Variants in OPRM1 observed in about 807,000 individuals in gnomAD.
OPRM1 encodes opioid receptor mu 1, also known as mu-type opioid receptor.
In OPRM1, 27 loss-of-function variants were observed where a neutral mutation model predicts 31.8. The ratio of observed to expected loss-of-function variants is 0.85; its 90% CI spans 0.63 to 1.17. The LOEUF (loss-of-function observed/expected upper bound fraction) is 1.17, where lower values mean the gene tolerates loss of function less well. OPRM1 is among the 50% of genes most tolerant of loss of function. The pLI is 0.00. For synonymous variants in OPRM1, 196 were observed against 189.9 expected, an observed-to-expected ratio of 1.03 and a Z score of -0.26; for missense variants, 536 against 511.1, an observed-to-expected ratio of 1.05 and a Z score of -0.47.
chr6:154,178,800 T>C (rs1277586251), intron 3 of OPRM1, among the ~76,000 whole-genome samples: 1 of 152,176 alleles, frequency 6.6e-6, no homozygotes, highest in South Asian at 2.1e-4. Context: ...AGGCAAATTA[T>C]CACTCAGCTT....
intron 3 of OPRM1, among the ~76,000 whole-genome samples, chr6:154,191,213 G>T (rs1801850211): frequency 6.6e-6 from 1 of 152,178 alleles, no homozygotes; most frequent in Non-Finnish European, 1.5e-5. Context: ...TAGTAAAAAA[G>T]ATGAGAGGTT....
chr6:154,071,932 T>G (rs1008188614), intron 1 of OPRM1, among the ~76,000 whole-genome samples: 1 of 152,108 alleles, frequency 6.6e-6, no homozygotes, highest in South Asian at 2.1e-4. Flanking sequence ...TCATGGAGAG[T>G]CCTCATCTGA....
At chr6:154,244,297 G>GGGGTGTGTGT (rs1307383951) in intron 3 of OPRM1, among the ~76,000 whole-genome samples, 99 of 76,898 alleles carry the variant, frequency 1.3e-3, no homozygotes, top group African/African-American at 5.6e-3. Flanking sequence ...TGTGTGTGTG[G>GGGGTGTGTGT]GTGGGTGTGT....
At chr6:154,100,095 ATT>A (rs1339423605) in intron 3 of OPRM1, among the ~76,000 whole-genome samples, 15 of 67,334 alleles carry the variant, frequency 2.2e-4, no homozygotes, top group African/African-American at 7.1e-4. Flanking sequence ...ATATTATCAT[ATT>A]ATGATATATA....
Position 154,122,808 on chromosome 6 carries a change from C to T in OPRM1, c.*4087C>T, listed in dbSNP as rs1463464897. Among the ~76,000 whole-genome samples, 1 of 152,116 alleles carries T rather than the reference C, an allele frequency of 6.6e-6. No individual in the cohort carries two copies. Among genetic ancestry groups the T allele is most frequent in the Non-Finnish European group, 1.5e-5 (1 of 68,002 alleles). ...GTTCAATTTAATGCAAACAATATTACTGTGTTCTAAGCGCTTCTGTTACTC... is the reference window on the plus strand; with the variant it reads ...GTTCAATTTAATGCAAACAATATTATTGTGTTCTAAGCGCTTCTGTTACTC... On this transcript the variant is annotated 3_prime_UTR_variant, in exon 4 of 4. Coordinates refer to ENST00000330432, the MANE Select transcript of OPRM1 (RefSeq NM_000914.5).
intron 1 of OPRM1, among the ~76,000 whole-genome samples, chr6:154,085,951 G>A (rs1163127206): frequency 8.5e-5 from 12 of 141,550 alleles, no homozygotes; most frequent in East Asian, 2.0e-4. Context: ...GCAGTGGTAC[G>A]ATTCTCCTGC....
At chr6:154,047,049 G>C (rs542282688) in intron 1 of OPRM1, among the ~76,000 whole-genome samples, 1 of 152,266 alleles carries the variant, frequency 6.6e-6, no homozygotes, top group East Asian at 1.9e-4. Flanking sequence ...TGAACTGCCA[G>C]GTGTGGTGTT....
rs9479778 is a variant in OPRM1 at position 154,180,999 on chromosome 6, T to C, written c.1165-65694T>C. 9.4e-3 allele frequency among the ~76,000 whole-genome samples: 1,425 copies of C among 152,260 alleles called. 22 individuals carry two copies. Among genetic ancestry groups the C allele is most frequent in the African/African-American group, 0.033 (1,384 of 41,552 alleles). On this transcript the variant is annotated intron_variant, in intron 3 of 3. Transcript: ENST00000337049. The stretch of plus-strand genomic sequence containing the variant: ...GAGAAGAAAAAACTATATAGTCATT[T>C]GGGTATTTTGCATACCCTAAAGGTA...
intron 3 of OPRM1, chr6:154,154,764 A>T (rs1798644927): frequency 6.6e-6 from 1 of 152,566 alleles, no homozygotes; most frequent in Non-Finnish European, 1.5e-5. Context: ...AACCTCAAAA[A>T]CATAAAGCAG....
At chr6:154,212,555 G>A (rs933857825) in intron 3 of OPRM1, among the ~76,000 whole-genome samples, 28 of 152,082 alleles carry the variant, frequency 1.8e-4, no homozygotes, top group Admixed American at 1.3e-3. Context: ...GTACATCTTC[G>A]GGTCACACAC....
chr6:154,212,633 T>A, intron 3 of OPRM1: 1 of 620,088 alleles, frequency 1.6e-6, no homozygotes, highest in Non-Finnish European at 2.9e-6. Flanking sequence ...CCCTGAAAAT[T>A]GCACTTGCTC....
chr6:154,153,968 C>T (rs1015442368), intron 3 of OPRM1, among the ~76,000 whole-genome samples: 3 of 152,166 alleles, frequency 2.0e-5, no homozygotes, highest in South Asian at 2.1e-4. Flanking sequence ...AATCAGGAAA[C>T]GCATGGTGCC....
At position 154,131,947 on chromosome 6, in the gene OPRM1, T is replaced by G. The variant is rs1382483337; in HGVS notation, c.*13226T>G. 4.6e-5 allele frequency among the ~76,000 whole-genome samples: 7 copies of G among 151,494 alleles called. No homozygotes were observed. Among genetic ancestry groups the G allele is most frequent in the East Asian group, 3.8e-4 (2 of 5,196 alleles). ...AGTTTTTCTATAAGTTTTTGGTTTT[T>G]TTTTTTTTTTCTCTTCATTAGTGTG... On this transcript the variant is annotated 3_prime_UTR_variant, in exon 4 of 4. Transcript: ENST00000330432.
intron 1 of OPRM1, among the ~76,000 whole-genome samples, chr6:154,057,725 C>A (rs1562408877): frequency 6.6e-6 from 1 of 152,068 alleles, no homozygotes; most frequent in Non-Finnish European, 1.5e-5. Context: ...AGAGCAGAGT[C>A]CTGTATGAGT....
At chr6:154,019,478 A>G (rs12214129) in intron 1 of OPRM1, among the ~76,000 whole-genome samples, 10,134 of 152,080 alleles carry the variant, frequency 0.067, 486 homozygotes, top group African/African-American at 0.13. Context: ...AAACATATAA[A>G]GACATGCATT....
chr6:154,215,314 A>G (rs1483374734), intron 3 of OPRM1, among the ~76,000 whole-genome samples: 1 of 152,178 alleles, frequency 6.6e-6, no homozygotes, highest in Non-Finnish European at 1.5e-5. Flanking sequence ...TAGAAAATAT[A>G]TAACAAATTC....
chr6:154,093,650 A>G, intron 3 of OPRM1: 1 of 973,562 alleles, frequency 1.0e-6, no homozygotes, highest in Non-Finnish European at 1.4e-6. Context: ...AAGCAGTATC[A>G]GTGTAAGATA....
At chr6:154,058,300 C>T (rs921014386) in intron 1 of OPRM1, among the ~76,000 whole-genome samples, 2 of 152,108 alleles carry the variant, frequency 1.3e-5, no homozygotes, top group South Asian at 2.1e-4. Context: ...GTATAGCTCT[C>T]ATGTTTTTAT....
Position 154,118,756 on chromosome 6 carries a change from T to G in OPRM1, c.*35T>G. 6.2e-7 allele frequency: 1 copy of G among 1,611,788 alleles called. No individual in the cohort carries two copies. The highest frequency in any genetic ancestry group is 8.5e-7 in the Non-Finnish European group (1 of 1,179,216). ...ATGCCATTCCGACCTTCACCAAGCT[T>G]AGAAGCCACCATGTATGTGGAAGCA... On this transcript the variant is annotated 3_prime_UTR_variant, in exon 4 of 4. Transcript: ENST00000330432.
Sources: allele counts gnomAD v4.1 joint callset (sites outside exome capture counted in the v4.1 genomes callset), GRCh38; gene constraint gnomAD v4.1.1; transcripts MANE v1.5; gene names NCBI Gene and HGNC (gene_info 2026-07-23, HGNC 2026-07-21).